ODF2L: variants seen among roughly 807,000 people sequenced by gnomAD.
ODF2L encodes protein BCAP.
In ODF2L, 76 loss-of-function variants were observed where a neutral mutation model predicts 86.3. That is an observed-to-expected ratio of 0.88 (90% CI 0.73 to 1.07). ODF2L has a LOEUF of 1.07. ODF2L is among the 50% of genes least tolerant of loss of function. The pLI is 0.00. For missense variants in ODF2L, 748 were observed against 717.4 expected (o/e 1.04, Z -0.49); for synonymous variants, 241 against 231.3 (o/e 1.04, Z -0.38).
At chr1:86,381,174 A>G (rs920404141) in intron 7 of ODF2L, among the ~76,000 whole-genome samples, 1 of 152,150 alleles carries the variant, frequency 6.6e-6, no homozygotes, top group East Asian at 1.9e-4. Context: ...GTTGAATTTC[A>G]TAGCAAAATT....
chr1:86,368,574 A>C, intron 11 of ODF2L: 2 of 1,258,584 alleles, frequency 1.6e-6, no homozygotes, highest in Non-Finnish European at 2.0e-6. Context: ...AATCAAAAAC[A>C]CATTTTATTT....
intron 13 of ODF2L, chr1:86,358,038 A>G: frequency 1.0e-6 from 1 of 985,302 alleles, no homozygotes; most frequent in African/African-American, 1.7e-5. Flanking sequence ...TTATGTCTGT[A>G]TAACTGGAGG....
At chr1:86,353,061 C>A in intron 16 of ODF2L, 77 bp from the exon 16 acceptor site, 2 of 934,244 alleles carry the variant, frequency 2.1e-6, no homozygotes, top group South Asian at 1.5e-5. Flanking sequence ...TTATATTGTA[C>A]CTTTTTTCTA....
rs185775218 is a variant in ODF2L, at chr1:86,357,803, C to G, written c.1359+984G>C. On this transcript the variant is annotated intron_variant, in intron 13 of 17. Transcript: ENST00000317336. ...CTAGTTAGAAAACATTGTGACCTCACAGTATCTGAAAAAGACAGGCTCCAA... is the reference window on the plus strand; with the variant it reads ...CTAGTTAGAAAACATTGTGACCTCAGAGTATCTGAAAAAGACAGGCTCCAA... The G allele has an allele frequency of 5.9e-5, 58 of 984,262 alleles. No individual in the cohort carries two copies. The African/African-American group carries it at 1.0e-3, about 17-fold the overall frequency. 61.0% of individuals were successfully genotyped at this position (984,262 alleles called of 1,614,324 possible).
chr1:86,383,965 TAAAG>T (rs1163856757), intron 4 of ODF2L, among the ~76,000 whole-genome samples: 7 of 151,790 alleles, frequency 4.6e-5, no homozygotes, highest in South Asian at 2.1e-4. Context: ...GTAACATATA[TAAAG>T]AAACAAAATA....
chr1:86,349,970 A>G (rs1312314928), downstream of ODF2L: 1 of 175,064 alleles, frequency 5.7e-6, no homozygotes, highest in Non-Finnish European at 1.1e-5. Context: ...TTAAATAAAT[A>G]CTGCCCACTT....
chr1:86,395,387 C>T (rs979652244), intron 1 of ODF2L, among the ~76,000 whole-genome samples: 3 of 152,156 alleles, frequency 2.0e-5, no homozygotes, highest in African/African-American at 7.2e-5. Flanking sequence ...ATTACAACCA[C>T]CCCAAAGTGA....
intron 1 of ODF2L, among the ~76,000 whole-genome samples, chr1:86,391,237 C>A (rs966802402): frequency 6.6e-6 from 1 of 152,092 alleles, no homozygotes; most frequent in Non-Finnish European, 1.5e-5. Flanking sequence ...TGGGTCAAAT[C>A]AATATTGTGA....
At chr1:86,370,308 T>C (rs1659705977) in intron 10 of ODF2L, among the ~76,000 whole-genome samples, 1 of 152,120 alleles carries the variant, frequency 6.6e-6, no homozygotes, top group African/African-American at 2.4e-5. Context: ...TAATTCTAAA[T>C]AGAATTAAAC....
chr1:86,377,090 G>C (rs1570408370), intron 7 of ODF2L, among the ~76,000 whole-genome samples: 1 of 152,116 alleles, frequency 6.6e-6, no homozygotes, highest in African/African-American at 2.4e-5. Context: ...AAACAATGGG[G>C]GCACAGGTAT....
chr1:86,372,187 C>CAAAAAAAAAAAAAAAAAATAAAA (rs5775905), intron 9 of ODF2L, among the ~76,000 whole-genome samples: 1 of 116,380 alleles, frequency 8.6e-6, no homozygotes, highest in African/African-American at 3.3e-5. Context: ...GACTCCATCT[C>CAAAAAAAAAAAAAAAAAATAAAA]AAAAAAAAAA....
At position 86,357,733 on chromosome 1, in the gene ODF2L, A is replaced by T. The variant is rs1178323218; in HGVS notation, c.1359+1054T>A. 1.3e-5 allele frequency: 13 copies of T among 978,080 alleles called. No homozygotes were observed. In the South Asian group the frequency reaches 5.2e-4, roughly 39 times the overall value. The allele number at this position is 978,080 out of a possible 1,614,324, so 60.6% of individuals were successfully genotyped here. On this transcript the variant is annotated intron_variant, in intron 13 of 17. Coordinates refer to ENST00000317336, the Ensembl canonical transcript of ODF2L. The stretch of plus-strand genomic sequence containing the variant: ...CCAGGAGACTTAAAACAGTGAAGTA[A>T]GAAAAAGAAAAATTTCATTAAAAAA...
intron 13 of ODF2L, chr1:86,358,438 A>G (rs148403543): frequency 2.2e-3 from 337 of 153,768 alleles, no homozygotes; most frequent in Non-Finnish European, 4.1e-3. Context: ...TAAAACATTT[A>G]TAACCAGAAA....
chr1:86,387,411 A>C (rs1263693793), intron 1 of ODF2L, among the ~76,000 whole-genome samples: 1 of 152,222 alleles, frequency 6.6e-6, no homozygotes, highest in East Asian at 1.9e-4. Flanking sequence ...ACAAATATAA[A>C]AACCATGGGT....
chr1:86,382,864 G>T (rs1660682964), intron 6 of ODF2L, 67 bp downstream of exon 6: 3 of 783,708 alleles, frequency 3.8e-6, no homozygotes, highest in African/African-American at 3.5e-5. Context: ...TTGGGGCCAG[G>T]ATGGGAAAAA....
chr1:86,349,505 T>C (rs1294859416), downstream of ODF2L: 1 of 152,152 alleles, frequency 6.6e-6, no homozygotes, highest in East Asian at 1.9e-4. Context: ...GAGAGAACTT[T>C]TACATCCTTC....
At position 86,384,685 on chromosome 1, in the gene ODF2L, GTC is replaced by G. The variant is rs768502211; in HGVS notation, c.361_362del (p.Asp121LeufsTer18). On this transcript the variant is annotated frameshift_variant, in exon 4 of 18. Coordinates refer to ENST00000317336, the Ensembl canonical transcript of ODF2L. LOFTEE classifies it high-confidence loss of function. The stretch of plus-strand genomic sequence containing the variant: ...AGTGTTGATGCCTTACTTGTTTGTA[GTC>G]TCTCTTTCTAAGAAGATGTTCTAAA... 6.1e-6 allele frequency: 9 copies of G among 1,475,522 alleles called. No individual in the cohort carries two copies. Among genetic ancestry groups the G allele is most frequent in the Middle Eastern group, 2.0e-4 (1 of 5,052 alleles). The allele number at this position is 1,475,522 out of a possible 1,614,324, so 91.4% of individuals were successfully genotyped here.
chr1:86,376,691 G>C (rs1243808880), intron 7 of ODF2L, among the ~76,000 whole-genome samples: 2 of 152,124 alleles, frequency 1.3e-5, no homozygotes, highest in South Asian at 2.1e-4. Context: ...ACAGAAGAGT[G>C]AGGAGCAAAG....
intron 6 of ODF2L, 119 bp downstream of exon 6, chr1:86,382,812 T>C (rs184483056): frequency 6.8e-5 from 44 of 648,638 alleles, no homozygotes; most frequent in Admixed American, 4.5e-4. Context: ...ATCCAAATAA[T>C]CTAGAATTTC....
Sources: gnomAD v4.1 joint callset for allele counts (sites outside exome capture counted in the v4.1 genomes callset) on GRCh38, gnomAD v4.1.1 for gene constraint, MANE v1.5 for transcripts, NCBI Gene and HGNC (gene_info 2026-07-23, HGNC 2026-07-21) for gene names.